The following ITGB5 variants were observed in gnomAD, a reference collection of about 807,000 sequenced individuals.
ITGB5 encodes the protein integrin subunit beta 5.
Under a neutral mutation model 84.8 loss-of-function variants are expected in ITGB5, and 38 were observed. That is an observed-to-expected ratio of 0.45 (90% CI 0.35 to 0.59). ITGB5 has a LOEUF of 0.59. Among genes scored for constraint, ITGB5 ranks in the 20% least tolerant of loss-of-function variants. The pLI is 0.01. For missense variants in ITGB5, 905 were observed against 1,034.5 expected, an observed-to-expected ratio of 0.87 and a Z score of 1.72; for synonymous variants, 393 against 414.4, an observed-to-expected ratio of 0.95 and a Z score of 0.63.
In ITGB5 at chr3:124,826,890, G is replaced by T. The variant is rs182054723; in HGVS notation, c.781-5416C>A. Among the ~76,000 whole-genome samples the T allele has an allele frequency of 2.7e-3, 413 of 152,314 alleles. 3 individuals are homozygous for T. The highest frequency in any genetic ancestry group is 9.5e-3 in the African/African-American group (396 of 41,570). ...TGGTGTTAACAAACTTGGCCCAGAG[G>T]TTGGGCTGCTGCGAATGAGTCAGGA... On this transcript the variant is annotated intron_variant, in intron 5 of 14. Transcript: ENST00000296181.
intron 2 of ITGB5, among the ~76,000 whole-genome samples, chr3:124,868,617 CCAA>C (rs1218730075): frequency 0.029 from 1,147 of 40,178 alleles, 21 homozygotes; most frequent in African/African-American, 0.12. Flanking sequence ...CTGTTCTCTA[CCAA>C]AAAAAAAAAA....
At chr3:124,771,151 G>GTTGT (rs1205356346) in intron 11 of ITGB5, among the ~76,000 whole-genome samples, 7 of 150,622 alleles carry the variant, frequency 4.6e-5, no homozygotes, top group Admixed American at 1.3e-4. Flanking sequence ...AAAAAATTAA[G>GTTGT]TTGTTTAGAG....
chr3:124,895,218 C>A (rs1935078329), intron 1 of ITGB5, among the ~76,000 whole-genome samples: 2 of 152,160 alleles, frequency 1.3e-5, no homozygotes, highest in African/African-American at 2.4e-5. Flanking sequence ...CACCTCGGCA[C>A]CACTTTCTTG....
intron 10 of ITGB5, among the ~76,000 whole-genome samples, chr3:124,789,303 C>T (rs886868502): frequency 4.6e-5 from 7 of 152,252 alleles, no homozygotes; most frequent in Admixed American, 4.6e-4. Flanking sequence ...AGTCAAGAAG[C>T]CTAGGATGTG....
intron 5 of ITGB5, among the ~76,000 whole-genome samples, chr3:124,836,776 G>T (rs575271465): frequency 3.2e-4 from 48 of 152,216 alleles, no homozygotes; most frequent in Non-Finnish European, 5.3e-4. Context: ...AGATATTCTG[G>T]CCAGGGAAGA....
chr3:124,808,443 C>G (rs2107535970), intron 9 of ITGB5, among the ~76,000 whole-genome samples: 1 of 152,332 alleles, frequency 6.6e-6, no homozygotes, highest in South Asian at 2.1e-4. Flanking sequence ...GCCCACATAT[C>G]CTCCTCCCTG....
intron 5 of ITGB5, among the ~76,000 whole-genome samples, chr3:124,824,179 C>G (rs4678168): frequency 0.43 from 65,268 of 152,050 alleles, 15,231 homozygotes; most frequent in African/African-American, 0.59. Flanking sequence ...TAGGTCAAGA[C>G]TTATTACAAA....
intron 4 of ITGB5, 40 bp from the exon 5 acceptor site, chr3:124,841,591 T>C (rs1168324449): frequency 1.3e-6 from 2 of 1,598,272 alleles, no homozygotes; most frequent in African/African-American, 1.3e-5. Flanking sequence ...TCCATCATTG[T>C]CTGTAAATCT....
At chr3:124,810,104 C>A (rs932396020) in intron 8 of ITGB5, among the ~76,000 whole-genome samples, 2 of 152,078 alleles carry the variant, frequency 1.3e-5, no homozygotes, top group African/African-American at 4.8e-5. Context: ...AGGTGCCTAG[C>A]AAGAGTAGAA....
Position 124,796,634 on chromosome 3 carries a change from C to G in ITGB5, c.1447G>C (p.Val483Leu), listed in dbSNP as rs1345965295. Reference sequence around the variant, plus strand: ...GGGCTGCACTCACACAGGCCGCAGACATAGGTCCCGCTCCCGTTGCACCTG... The same window carrying G: ...GGGCTGCACTCACACAGGCCGCAGAGATAGGTCCCGCTCCCGTTGCACCTG... Reference protein sequence around the residue: ...SARCNGSGTYVCGLCECSPGY... With the variant: ...SARCNGSGTYLCGLCECSPGY... The change falls in exon 10 of 15, where the codon GTC becomes CTC. Residue 483 changes from valine (V) to leucine (L), a missense_variant. Transcript: ENST00000296181. The G allele has an allele frequency of 1.9e-6, 3 of 1,614,048 alleles. No individual in the cohort carries two copies.
chr3:124,846,279 T>C (rs1347855100), intron 4 of ITGB5, among the ~76,000 whole-genome samples: 2 of 151,896 alleles, frequency 1.3e-5, no homozygotes, highest in Non-Finnish European at 2.9e-5. Flanking sequence ...GGCTCAGGGA[T>C]TTAAGAACAG....
chr3:124,849,012 T>A (rs1217296119), intron 3 of ITGB5, among the ~76,000 whole-genome samples: 1 of 152,140 alleles, frequency 6.6e-6, no homozygotes, highest in Non-Finnish European at 1.5e-5. Context: ...ACTCCTGGCC[T>A]CAAGTGATCC....
Position 124,848,507 on chromosome 3 carries a change from A to G in ITGB5, c.413T>C (p.Val138Ala), listed in dbSNP as rs772182574. The stretch of plus-strand genomic sequence containing the variant: ...GAGGTCCATCAGGTAGTACAGGTCC[A>G]CAGGATAGTCCTCCACCTGGCGAAC... Reference protein sequence around the residue: ...LQVRQVEDYPVDLYYLMDLSL... With the variant: ...LQVRQVEDYPADLYYLMDLSL... The change falls in exon 4 of 15, where the codon GTG becomes GCG. Residue 138 changes from valine (V) to alanine (A), a missense_variant. This residue lies in a region of ITGB5 where 656 missense variants were observed against 734.7 expected (regional missense o/e 0.89). Coordinates refer to ENST00000296181, the MANE Select transcript of ITGB5 (RefSeq NM_002213.5). 6.2e-7 allele frequency: 1 copy of G among 1,614,126 alleles called. No individual in the cohort carries two copies. Among genetic ancestry groups the G allele is most frequent in the Non-Finnish European group, 8.5e-7 (1 of 1,180,018 alleles).
chr3:124,844,205 CAA>C (rs58956636), intron 4 of ITGB5, among the ~76,000 whole-genome samples: 33,308 of 87,858 alleles, frequency 0.38, 4,574 homozygotes, highest in East Asian at 0.52. Context: ...TTGGTTTTGG[CAA>C]AAAAAAAAAA....
intron 1 of ITGB5, among the ~76,000 whole-genome samples, chr3:124,878,087 T>A (rs1450342243): frequency 6.6e-6 from 1 of 152,170 alleles, no homozygotes; most frequent in Non-Finnish European, 1.5e-5. Context: ...TGACTTCAAG[T>A]GATCTGCCCA....
chr3:124,871,548 G>C (rs555915584), intron 2 of ITGB5, among the ~76,000 whole-genome samples: 1 of 152,154 alleles, frequency 6.6e-6, no homozygotes, highest in Non-Finnish European at 1.5e-5. Flanking sequence ...AGGAGGGGCC[G>C]GGCATGGTGG....
intron 8 of ITGB5, among the ~76,000 whole-genome samples, chr3:124,811,572 C>T (rs371802260): frequency 3.2e-4 from 48 of 152,196 alleles, no homozygotes; most frequent in African/African-American, 1.1e-3. Context: ...AGCCGCCACT[C>T]GAAAGCCCCA....
intron 2 of ITGB5, among the ~76,000 whole-genome samples, chr3:124,872,573 C>T (rs1022352384): frequency 6.6e-6 from 1 of 152,156 alleles, no homozygotes; most frequent in Non-Finnish European, 1.5e-5. Context: ...AGGGACCACG[C>T]ACTGCATTGC....
chr3:124,893,453 C>T (rs1294489089), intron 1 of ITGB5, among the ~76,000 whole-genome samples: 1 of 151,980 alleles, frequency 6.6e-6, no homozygotes, highest in Non-Finnish European at 1.5e-5. Context: ...TTGAAAAATA[C>T]CAAATTATAT....
Sources: allele counts gnomAD v4.1 joint callset (sites outside exome capture counted in the v4.1 genomes callset), GRCh38; gene constraint gnomAD v4.1.1; regional missense constraint gnomAD v4.1.1; transcripts MANE v1.5; gene names NCBI Gene and HGNC (gene_info 2026-07-23, HGNC 2026-07-21).